OR2AT4: variants seen among roughly 807,000 people sequenced by gnomAD.
OR2AT4 encodes olfactory receptor 2AT4.
A neutral mutation model predicts 10.3 loss-of-function variants in OR2AT4; 6 were observed. That is an observed-to-expected ratio of 0.58 (90% CI 0.32 to 1.15). OR2AT4 has a LOEUF of 1.15. Among genes scored for constraint, OR2AT4 ranks in the 50% most tolerant of loss-of-function variants. The pLI, the probability that OR2AT4 is intolerant of heterozygous loss-of-function variation, is 0.05. For synonymous variants in OR2AT4, 145 were observed against 159.1 expected, an observed-to-expected ratio of 0.91 and a Z score of 0.67; for missense variants, 354 against 393.8, an observed-to-expected ratio of 0.90 and a Z score of 0.85.
chr11:75,094,694 G>A (rs1949338025), intron 1 of OR2AT4, among the ~76,000 whole-genome samples: 3 of 152,188 alleles, frequency 2.0e-5, no homozygotes, highest in Admixed American at 2.0e-4. Context: ...ACTGCAGTGA[G>A]CTATAATCAT....
exon 2 of OR2AT4, chr11:75,084,131 T>C (rs980775054): frequency 1.3e-5 from 2 of 152,168 alleles, no homozygotes; most frequent in African/African-American, 4.8e-5. Flanking sequence ...TTCTCACTTA[T>C]AAGTGGGAGC....
exon 2 of OR2AT4, chr11:75,084,988 T>C (rs1949283058): frequency 6.6e-6 from 1 of 151,756 alleles, no homozygotes; most frequent in African/African-American, 2.4e-5. Flanking sequence ...AGAAAAATGA[T>C]CAAATTAAAC....
At chr11:75,096,340 GTCATTACACA>G (rs1949348692) in intron 1 of OR2AT4, 1 of 152,224 alleles carries the variant, frequency 6.6e-6, no homozygotes, top group East Asian at 1.9e-4. Context: ...ATTCTTTACA[GTCATTACACA>G]TCATTACGAC....
At chr11:75,083,514 A>G (rs898113077) in exon 2 of OR2AT4, 1 of 152,242 alleles carries the variant, frequency 6.6e-6, no homozygotes, top group Non-Finnish European at 1.5e-5. Flanking sequence ...AAATAGAGCT[A>G]TCATTTGACC....
chr11:75,094,195 G>A (rs1658251213), intron 1 of OR2AT4, among the ~76,000 whole-genome samples: 2 of 150,782 alleles, frequency 1.3e-5, no homozygotes, highest in South Asian at 2.1e-4. Context: ...CATGGCCGGC[G>A]AGCCACAGAG....
At chr11:75,088,522 G>C (rs1334077007) in exon 2 of OR2AT4, 2 of 360,168 alleles carry the variant, frequency 5.6e-6, no homozygotes, top group African/African-American at 4.2e-5. Flanking sequence ...CTTTCCCTGT[G>C]ATACGTTTTT....
At chr11:75,092,202 T>C (rs1949323234) in intron 1 of OR2AT4, among the ~76,000 whole-genome samples, 1 of 152,190 alleles carries the variant, frequency 6.6e-6, no homozygotes, top group Non-Finnish European at 1.5e-5. Context: ...CTCACTAAAA[T>C]GGCTAAACTT....
rs180703824 is a variant in OR2AT4, at chr11:75,090,361, G to C, written c.-648C>G. Reference sequence around the variant, plus strand: ...ATTTAAGCTAGGTGTCTGGACTTCTGCTCCTGTATTGGATATAATAGACCA... The same window carrying C: ...ATTTAAGCTAGGTGTCTGGACTTCTCCTCCTGTATTGGATATAATAGACCA... On this transcript the variant is annotated 5_prime_UTR_variant, in exon 2 of 2. Coordinates refer to ENST00000641504, the Ensembl canonical transcript of OR2AT4. 1.3e-3 allele frequency: 199 copies of C among 152,470 alleles called. 1 individual carries two copies. The highest frequency in any genetic ancestry group is 4.6e-3 in the African/African-American group (190 of 41,566). The allele number at this position is 152,470 out of a possible 1,614,324, so 9.4% of individuals were successfully genotyped here.
chr11:75,095,895 C>T (rs1949347173), intron 1 of OR2AT4, among the ~76,000 whole-genome samples: 1 of 152,090 alleles, frequency 6.6e-6, no homozygotes, highest in South Asian at 2.1e-4. Flanking sequence ...CCAGGCTGGT[C>T]TTGAAGTCCT....
exon 2 of OR2AT4, chr11:75,082,079 C>G (rs2140277230): frequency 6.6e-6 from 1 of 152,208 alleles, no homozygotes; most frequent in East Asian, 1.9e-4. Context: ...CCAAAGCAAT[C>G]CTAAGCAAAA....
At chr11:75,089,766 T>A (rs1159179119) in exon 2 of OR2AT4, 2 of 1,513,202 alleles carry the variant, frequency 1.3e-6, no homozygotes. Flanking sequence ...ATCTAGACAT[T>A]GGAAACATCT....
chr11:75,091,351 C>G (rs1205732210), intron 1 of OR2AT4, among the ~76,000 whole-genome samples: 1 of 152,082 alleles, frequency 6.6e-6, no homozygotes, highest in Non-Finnish European at 1.5e-5. Context: ...GATCCCATTA[C>G]CTGAGTTAGC....
chr11:75,083,114 G>A (rs543551226), exon 2 of OR2AT4: 1 of 151,786 alleles, frequency 6.6e-6, no homozygotes, highest in South Asian at 2.1e-4. Flanking sequence ...GAGAGAGAAG[G>A]AAAAGAAAGA....
At chr11:75,091,699 C>A (rs868401064) in intron 1 of OR2AT4, among the ~76,000 whole-genome samples, 14 of 152,034 alleles carry the variant, frequency 9.2e-5, no homozygotes, top group African/African-American at 3.4e-4. Context: ...AAGTGACAGG[C>A]AAAACTAATC....
chr11:75,096,124 G>A (rs113763013), intron 1 of OR2AT4: 4,409 of 152,284 alleles, frequency 0.029, 201 homozygotes, highest in African/African-American at 0.1. Context: ...CCACTCTCTT[G>A]CTGTGATGCT....
At chr11:75,091,186 G>C (rs1020075533) in intron 1 of OR2AT4, among the ~76,000 whole-genome samples, 1 of 152,224 alleles carries the variant, frequency 6.6e-6, no homozygotes, top group Non-Finnish European at 1.5e-5. Flanking sequence ...CTAACAAAGA[G>C]AAGGGAGGAA....
At chr11:75,088,826 C>T (rs774280754) in exon 2 of OR2AT4, 148 of 1,608,394 alleles carry the variant, frequency 9.2e-5, no homozygotes, top group Admixed American at 7.6e-4. Flanking sequence ...TGTTTCTCAG[C>T]GTGTAAATGA....
chr11:75,092,222 G>A (rs772529260), intron 1 of OR2AT4, among the ~76,000 whole-genome samples: 3 of 152,148 alleles, frequency 2.0e-5, no homozygotes, highest in East Asian at 1.9e-4. Flanking sequence ...TAAAAGGACC[G>A]CAAGTGTTGG....
At chr11:75,094,361 AACT>A (rs1271774724) in intron 1 of OR2AT4, among the ~76,000 whole-genome samples, 1 of 152,212 alleles carries the variant, frequency 6.6e-6, no homozygotes, top group Admixed American at 6.5e-5. Context: ...GTCAGCAGCA[AACT>A]ACAAATTTCA....
Sources: gnomAD v4.1 joint callset for allele counts (sites outside exome capture counted in the v4.1 genomes callset) on GRCh38, gnomAD v4.1.1 for gene constraint, MANE v1.5 for transcripts, NCBI Gene and HGNC (gene_info 2026-07-23, HGNC 2026-07-21) for gene names.